The following ZNF619 variants were observed in gnomAD, a reference collection of about 807,000 sequenced individuals.
ZNF619 encodes the protein zinc finger protein 619.
Under a neutral mutation model 14.2 loss-of-function variants are expected in ZNF619, and 9 were observed. The observed-to-expected ratio is 0.64, with a 90% confidence interval of 0.38 to 1.11. The LOEUF (loss-of-function observed/expected upper bound fraction) is 1.11, where lower values mean the gene tolerates loss of function less well. Among genes scored for constraint, ZNF619 ranks in the 50% least tolerant of loss-of-function variants. The pLI is 0.01. For missense variants in ZNF619, 659 were observed against 680.1 expected, an observed-to-expected ratio of 0.97 and a Z score of 0.34; for synonymous variants, 246 against 252.8, an observed-to-expected ratio of 0.97 and a Z score of 0.26.
intron 2 of ZNF619, among the ~76,000 whole-genome samples, chr3:40,480,015 A>T (rs1296870478): frequency 1.3e-5 from 2 of 152,198 alleles, no homozygotes; most frequent in Non-Finnish European, 2.9e-5. Context: ...CAAGTAAAGG[A>T]CAGAAGAGTG....
chr3:40,482,583 T>G lies in ZNF619; in HGVS notation c.179-5T>G, dbSNP rs1389751637. 2.5e-6 allele frequency: 4 copies of G among 1,613,932 alleles called. No individual in the cohort carries two copies. In the South Asian group the frequency reaches 4.4e-5, roughly 18 times the overall value. ...AGCTTCATGTTCCTTTTCTTTCTCC[T>G]GTAGCAGCATTTCCATTCCCCAAAC... On this transcript the variant is annotated splice_region_variant and splice_polypyrimidine_tract_variant and intron_variant, in intron 3 of 4. Transcript: ENST00000432264.
Position 40,487,003 on chromosome 3 carries a change from G to A in ZNF619, c.493G>A (p.Val165Ile), listed in dbSNP as rs748326325. 3.1e-6 allele frequency: 5 copies of A among 1,614,068 alleles called. No homozygotes were observed. The highest frequency in any genetic ancestry group is 4.2e-6 in the Non-Finnish European group (5 of 1,180,036). ...GATAGGGGATTGCACAGATTTGACA[G>A]TCCAGGATCATGAATCTTCCACCAC... ...TKIGDCTDLT[V>I]QDHESSTTER... The change falls in exon 5 of 5, where the codon GTC becomes ATC. Residue 165 changes from valine (V) to isoleucine (I), a missense_variant. By Grantham distance (29) the Val-to-Ile change is conservative (BLOSUM62 3). Coordinates refer to ENST00000432264, the MANE Select transcript of ZNF619 (RefSeq NM_001145093.4).
Position 40,487,481 on chromosome 3 carries a change from C to A in ZNF619, c.971C>A (p.Ala324Asp), listed in dbSNP as rs146200388. Residue 324 changes from alanine to aspartate, a missense_variant, in exon 5 of 5, where the codon GCC (alanine) becomes GAC (aspartate). Ala to Asp is a moderately radical substitution (Grantham distance 126). Transcript: ENST00000432264. ...TTTAAATGTAAGGAATGTGGGAAAGCCTTCAGTTGTAGCTATGACTGCATC... is the reference window on the plus strand; with the variant it reads ...TTTAAATGTAAGGAATGTGGGAAAGACTTCAGTTGTAGCTATGACTGCATC... ...KPFKCKECGK[A>D]FSCSYDCIIH... 8 of 1,613,948 alleles carry A rather than the reference C, an allele frequency of 5.0e-6. No individual in the cohort carries two copies. In the African/African-American group the frequency reaches 1.1e-4, roughly 22 times the overall value.
rs1238960788 is a variant in ZNF619 at position 40,489,834 on chromosome 3, T to A, written c.*1593T>A. On this transcript the variant is annotated 3_prime_UTR_variant, in exon 5 of 5. Coordinates refer to ENST00000432264, the MANE Select transcript of ZNF619 (RefSeq NM_001145093.4). ...TACTCCAGATTTCCCTATGATTAAA[T>A]CTGAATTTTATTGGTGGCACTTTTA... 6.6e-6 allele frequency: 1 copy of A among 152,224 alleles called. No individual in the cohort carries two copies. The highest frequency in any genetic ancestry group is 1.5e-5 in the Non-Finnish European group (1 of 68,046). 9.4% of individuals were successfully genotyped at this position (152,224 alleles called of 1,614,324 possible).
Position 40,487,224 on chromosome 3 carries a change from G to T in ZNF619, c.714G>T (p.Gly238=), listed in dbSNP as rs1293134088. 6.2e-7 allele frequency: 1 copy of T among 1,614,150 alleles called. No homozygotes were observed. Among genetic ancestry groups the T allele is most frequent in the Non-Finnish European group, 8.5e-7 (1 of 1,180,036 alleles). Residue 238 remains glycine (G), a synonymous_variant, in exon 5 of 5, where the codon GGG becomes GGT. Transcript: ENST00000432264. ...NEKPYTCKEC[G]KTFRYNSKLS... is the part of the protein sequence containing the mutation. Reference sequence around the variant, plus strand: ...AGCCCTACACATGCAAAGAATGTGGGAAAACCTTCAGATATAACTCAAAAC... The same window carrying T: ...AGCCCTACACATGCAAAGAATGTGGTAAAACCTTCAGATATAACTCAAAAC...
chr3:40,482,365 C>A (rs1477025259), intron 3 of ZNF619: 5 of 1,564,122 alleles, frequency 3.2e-6, no homozygotes, highest in Non-Finnish European at 4.3e-6. Context: ...TCCCCTAGGG[C>A]CCTCGTGTAC....
Position 40,488,241 on chromosome 3 carries a change from A to C in ZNF619, c.1731A>C (p.Ter577TyrextTer20). 1 of 1,467,854 alleles carries C rather than the reference A, an allele frequency of 6.8e-7. No homozygotes were observed. Among genetic ancestry groups the C allele is most frequent in the Non-Finnish European group, 9.4e-7 (1 of 1,065,820 alleles). The allele number at this position is 1,467,854 out of a possible 1,614,324, so 90.9% of individuals were successfully genotyped here. ...QSPNPLSHSL[*>Y] ...CGAATCCTTTGTCTCACTCCCTGTA[A>C]GCCCCGTCACGTTCTCAAAATCCTT... The change falls in exon 5 of 5, where the codon TAA (stop) becomes TAC (tyrosine). Residue 577 changes from the stop codon to tyrosine, a stop_lost. Transcript: ENST00000432264.
rs755642277 is a variant in ZNF619 at position 40,487,498 on chromosome 3, G to A, written c.988G>A (p.Asp330Asn). 8.7e-6 allele frequency: 14 copies of A among 1,613,946 alleles called. No homozygotes were observed. The highest frequency in any genetic ancestry group is 1.2e-5 in the Non-Finnish European group (14 of 1,180,022). The change falls in exon 5 of 5, where the codon GAC (aspartate) becomes AAC (asparagine). Residue 330 changes from aspartate to asparagine, a missense_variant. By Grantham distance (23) the Asp-to-Asn change is conservative (BLOSUM62 1). Transcript: ENST00000432264. The part of the protein sequence containing the change: ...ECGKAFSCSY[D>N]CIIHERIHNG... ...TGGGAAAGCCTTCAGTTGTAGCTAT[G>A]ACTGCATCATCCATGAACGAATTCA...
intron 3 of ZNF619, 135 bp downstream of exon 3, chr3:40,482,151 A>AG: frequency 1.3e-6 from 2 of 1,546,890 alleles, no homozygotes; most frequent in Non-Finnish European, 1.7e-6. Flanking sequence ...CCCCAGTGCC[A>AG]GGGGTAGCTG....
intron 2 of ZNF619, among the ~76,000 whole-genome samples, chr3:40,478,239 C>T (rs1014212212): frequency 1.3e-5 from 2 of 152,164 alleles, no homozygotes; most frequent in African/African-American, 4.8e-5. Context: ...TTCATGAGAA[C>T]TGAAAGTGTG....
rs992074874 is a variant in ZNF619 at position 40,490,858 on chromosome 3, T to G, written c.*2617T>G. On this transcript the variant is annotated 3_prime_UTR_variant, in exon 5 of 5. Transcript: ENST00000432264. ...TTAAAAGTTATACATGGCATGGGGG[T>G]TGGTGCCCATATGATGGGACTGATG... Among the ~76,000 whole-genome samples the G allele has an allele frequency of 1.3e-5, 2 of 151,926 alleles. No homozygotes were observed. The highest frequency in any genetic ancestry group is 4.8e-5 in the African/African-American group (2 of 41,342).
Position 40,488,164 on chromosome 3 carries a change from G to A in ZNF619, c.1654G>A (p.Ala552Thr), listed in dbSNP as rs745314051. The A allele has an allele frequency of 4.3e-6, 7 of 1,613,494 alleles. No homozygotes were observed. Among genetic ancestry groups the A allele is most frequent in the Non-Finnish European group, 5.9e-6 (7 of 1,179,794 alleles). ...GGCCAACCCTTCACCTGTCCAAATAGCACATTTTTTTCAGGATCTCGCTTT... is the reference window on the plus strand; with the variant it reads ...GGCCAACCCTTCACCTGTCCAAATAACACATTTTTTTCAGGATCTCGCTTT... ...EKANPSPVQIAHFFQDLAFPG... is the reference protein window; with the variant it reads ...EKANPSPVQITHFFQDLAFPG... The change falls in exon 5 of 5, where the codon GCA (alanine) becomes ACA (threonine). Residue 552 changes from alanine to threonine, a missense_variant. Coordinates refer to ENST00000432264, the MANE Select transcript of ZNF619 (RefSeq NM_001145093.4).
intron 3 of ZNF619, 163 bp downstream of exon 3, chr3:40,482,179 G>T: frequency 6.5e-7 from 1 of 1,546,484 alleles, no homozygotes; most frequent in Admixed American, 2.0e-5. Context: ...AAAGAGCTCG[G>T]TTCACTTTGG....
intron 4 of ZNF619, among the ~76,000 whole-genome samples, chr3:40,486,161 T>G (rs1697572622): frequency 6.6e-6 from 1 of 152,256 alleles, no homozygotes; most frequent in South Asian, 2.1e-4. Flanking sequence ...CATCTTTCTC[T>G]TCTCTGGTTT....
In ZNF619 at chr3:40,490,478, C is replaced by A. The variant is rs1029377757; in HGVS notation, c.*2237C>A. ...AAGAGAAGACTAGGGAAAGTCTGAA[C>A]CTTCTTAGAGATTACAGGAGGTCCT... On this transcript the variant is annotated 3_prime_UTR_variant, in exon 5 of 5. Coordinates refer to ENST00000432264, the MANE Select transcript of ZNF619 (RefSeq NM_001145093.4). Among the ~76,000 whole-genome samples the A allele has an allele frequency of 1.3e-5, 2 of 152,078 alleles. No individual in the cohort carries two copies. Among genetic ancestry groups the A allele is most frequent in the East Asian group, 3.9e-4 (2 of 5,194 alleles).
In ZNF619 at chr3:40,489,581, A is replaced by C. The variant is rs1039273965; in HGVS notation, c.*1340A>C. 3 of 151,846 alleles carry C rather than the reference A, an allele frequency of 2.0e-5. No individual in the cohort carries two copies. Among genetic ancestry groups the C allele is most frequent in the African/African-American group, 4.8e-5 (2 of 41,340 alleles). 9.4% of individuals were successfully genotyped at this position (151,846 alleles called of 1,614,324 possible). A position where few individuals can be genotyped will look rare whatever the true frequency, so the allele number is the denominator to read the frequency against. The stretch of plus-strand genomic sequence containing the variant: ...CTTTTCATATCTGTTGAATTTCAGT[A>C]CCCACTCATATATGTAGGTACAAAA... On this transcript the variant is annotated 3_prime_UTR_variant, in exon 5 of 5. Coordinates refer to ENST00000432264, the MANE Select transcript of ZNF619 (RefSeq NM_001145093.4).
At chr3:40,482,207 C>G in intron 3 of ZNF619, 191 bp downstream of exon 3, 1 of 1,549,982 alleles carries the variant, frequency 6.5e-7, no homozygotes, top group South Asian at 1.2e-5. Context: ...CAGGACTTTT[C>G]TCTTCCCTGG....
chr3:40,482,482 C>A, intron 3 of ZNF619, 106 bp from the exon 4 acceptor site: 1 of 1,550,240 alleles, frequency 6.5e-7, no homozygotes, highest in South Asian at 1.1e-5. Flanking sequence ...TTCACTTAGT[C>A]TCCTGGGCCA....
rs74898403 is a variant in ZNF619 at position 40,487,325 on chromosome 3, A to G, written c.815A>G (p.Asn272Ser). 5.5e-3 allele frequency: 8,887 copies of G among 1,614,186 alleles called. 58 individuals are homozygous for G. Among genetic ancestry groups the G allele is most frequent in the African/African-American group, 0.032 (2,367 of 75,044 alleles). The stretch of plus-strand genomic sequence containing the variant: ...GAATGTGGACAAGCCTTCAGTCAAA[A>G]TTCCCACCTTCTTCAGCATCAGAAG... ...CEECGQAFSQ[N>S]SHLLQHQKLH... Residue 272 changes from asparagine to serine, a missense_variant, in exon 5 of 5, where the codon AAT (asparagine) becomes AGT (serine). By Grantham distance (46) the Asn-to-Ser change is conservative. Coordinates refer to ENST00000432264, the MANE Select transcript of ZNF619 (RefSeq NM_001145093.4).
Sources: gnomAD v4.1 joint callset for allele counts (sites outside exome capture counted in the v4.1 genomes callset) on GRCh38, gnomAD v4.1.1 for gene constraint, MANE v1.5 for transcripts, NCBI Gene and HGNC (gene_info 2026-07-23, HGNC 2026-07-21) for gene names.